PKD1: variants seen among roughly 807,000 people sequenced by gnomAD.
The protein encoded by PKD1 is polycystin 1, transient receptor potential channel interacting.
A neutral mutation model predicts 361.7 loss-of-function variants in PKD1; 81 were observed. The observed-to-expected ratio is 0.22, with a 90% confidence interval of 0.19 to 0.27. The LOEUF (loss-of-function observed/expected upper bound fraction) is 0.27. PKD1 is among the 10% of genes least tolerant of loss of function. The probability of loss-of-function intolerance (pLI) is 1.00; values close to 1 mark genes in which losing one functional copy is unlikely to be tolerated. For missense variants in PKD1, 6,399 were observed against 6,118.3 expected, an observed-to-expected ratio of 1.05 and a Z score of -1.53; for synonymous variants, 3,615 against 2,818.3, an observed-to-expected ratio of 1.28 and a Z score of -8.95.
At chr16:2,119,084 C>G (rs2092683042) in intron 3 of PKD1, 30 bp downstream of exon 3, 8 of 1,113,130 alleles carry the variant, frequency 7.2e-6, no homozygotes, top group South Asian at 5.1e-5. Flanking sequence ...GGGGTCCAGC[C>G]AGGACCCCAC....
chr16:2,103,618 G>A lies in PKD1; in HGVS notation c.8439C>T (p.Ser2813=), dbSNP rs117856830. 8.0e-3 allele frequency: 12,907 copies of A among 1,610,454 alleles called. 63 individuals are homozygous for A. The highest frequency in any genetic ancestry group is 1.0e-2 in the Non-Finnish European group (11,779 of 1,179,714). ...GCHFSIPEAF[S]GALANLSDVV... ...CGTCACTGAGGTTGGCCAGGGCCCCGCTGAAAGCCTCGGGGATGGAGAAGT... is the reference window on the plus strand; with the variant it reads ...CGTCACTGAGGTTGGCCAGGGCCCCACTGAAAGCCTCGGGGATGGAGAAGT... The change falls in exon 23 of 46, where the codon AGC becomes AGT. Residue 2813 remains serine, a synonymous_variant. Coordinates refer to ENST00000262304, the MANE Select transcript of PKD1 (RefSeq NM_001009944.3).
rs1415072762 is a variant in PKD1, at chr16:2,093,620, C to T, written c.10940G>A (p.Arg3647Gln). The T allele has an allele frequency of 9.9e-6, 16 of 1,609,260 alleles. No individual in the cohort carries two copies. Among genetic ancestry groups the T allele is most frequent in the East Asian group, 2.2e-5 (1 of 44,792 alleles). ...GAAGAGTGCAAAGCCGTGGGGTGGC[C>T]GTACGCGGGGCACACGTGCGCTCAC... ...TPVSARVPRV[R>Q]PPHGFALFLA... The change falls in exon 37 of 46, where the codon CGG becomes CAG. Residue 3647 changes from arginine (R) to glutamine (Q), a missense_variant. Transcript: ENST00000262304.
rs770994071 is a variant in PKD1, at chr16:2,097,889, C to T, written c.10146G>A (p.Thr3382=). Residue 3382 remains threonine (T), a synonymous_variant, in exon 31 of 46, where the codon ACG becomes ACA. Transcript: ENST00000262304. The part of the protein sequence containing the change: ...DSSVLDSSFL[T]FSGLHAEQAF... Reference sequence around the variant, plus strand: ...TCACCTCAGCGTGGAGGCCTGAGAACGTGAGGAAGGAGCTGTCCAGCACGG... The same window carrying T: ...TCACCTCAGCGTGGAGGCCTGAGAATGTGAGGAAGGAGCTGTCCAGCACGG... The T allele has an allele frequency of 3.4e-5, 55 of 1,603,908 alleles. No homozygotes were observed. Among genetic ancestry groups the T allele is most frequent in the African/African-American group, 2.1e-4 (16 of 74,700 alleles).
chr16:2,109,237 G>A lies in PKD1; in HGVS notation c.5930C>T (p.Pro1977Leu), dbSNP rs1275762694. The A allele has an allele frequency of 6.3e-7, 1 of 1,589,500 alleles. No homozygotes were observed. Among genetic ancestry groups the A allele is most frequent in the Non-Finnish European group, 8.6e-7 (1 of 1,167,588 alleles). ...VLEAVSGLQV[P>L]NCCEPGIATG... is the part of the protein sequence containing the mutation. ...GGCGATGCCAGGCTCGCAGCAGTTG[G>A]GCACCTGCAGCCCACTCACGGCCTC... is the stretch of plus-strand genomic sequence containing the variant. Residue 1977 changes from proline (P) to leucine (L), a missense_variant, in exon 15 of 46, where the codon CCC becomes CTC. By Grantham distance (98) the Pro-to-Leu change is moderately conservative (BLOSUM62 -3). Coordinates refer to ENST00000262304, the MANE Select transcript of PKD1 (RefSeq NM_001009944.3).
intron 14 of PKD1, among the ~76,000 whole-genome samples, chr16:2,112,102 G>A (rs1479363039): frequency 1.3e-5 from 2 of 152,242 alleles, no homozygotes; most frequent in African/African-American, 2.4e-5. Flanking sequence ...CGGGGCAGCA[G>A]AGCAGCAAGA....
chr16:2,107,159 T>C, intron 16 of PKD1: 2 of 632,320 alleles, frequency 3.2e-6, no homozygotes, highest in Non-Finnish European at 5.8e-6. Context: ...GACACTGGAG[T>C]GTGCGTTCTG....
rs545527733 is a variant in PKD1, at chr16:2,103,483, G to A, written c.8574C>T (p.Gly2858=). The change falls in exon 23 of 46, where the codon GGC becomes GGT. Residue 2858 remains glycine, a synonymous_variant. Coordinates refer to ENST00000262304, the MANE Select transcript of PKD1 (RefSeq NM_001009944.3). ...CCAGCCGCTCGATGGGGATCTGGGCGCCGGCCTGTGTCTGGAATGCCATCG... is the reference window on the plus strand; with the variant it reads ...CCAGCCGCTCGATGGGGATCTGGGCACCGGCCTGTGTCTGGAATGCCATCG... The part of the protein sequence containing the change: ...VASMAFQTQA[G]AQIPIERLAS... 1.1e-5 allele frequency: 17 copies of A among 1,601,630 alleles called. No homozygotes were observed. The highest frequency in any genetic ancestry group is 6.7e-5 in the East Asian group (3 of 44,874).
Position 2,115,563 on chromosome 16 carries a change from G to A in PKD1, c.1912C>T (p.Pro638Ser), listed in dbSNP as rs1395843045. The A allele has an allele frequency of 1.6e-5, 26 of 1,591,892 alleles. No individual in the cohort carries two copies. Among genetic ancestry groups the A allele is most frequent in the Non-Finnish European group, 2.1e-5 (24 of 1,168,028 alleles). Residue 638 changes from proline to serine, a missense_variant, in exon 10 of 46, where the codon CCC (proline) becomes TCC (serine). Transcript: ENST00000262304. ...CAGCGTCCCCCTGGCATGCACGCGG[G>A]GGCCAGCTGGGTCCTGTTGTCCGGG... is the stretch of plus-strand genomic sequence containing the variant. The part of the protein sequence containing the change: ...RSPDNRTQLA[P>S]ACMPGGRWCP...
intron 10 of PKD1, 154 bp from the exon 11 acceptor site, chr16:2,115,079 C>G (rs1328231673): frequency 5.1e-6 from 5 of 985,028 alleles, no homozygotes; most frequent in Non-Finnish European, 1.2e-6. Context: ...ACAGGCAGGA[C>G]AGTTGCAGAC....
chr16:2,105,186 C>A lies in PKD1; in HGVS notation c.8016+136G>T, dbSNP rs530792999. On this transcript the variant is annotated intron_variant, in intron 21 of 45. Transcript: ENST00000262304. ...TGAGGCTACTGAAGCAGGTCAGAGA[C>A]CGAGGAACGCCATGGCAGGAAGGAG... is the stretch of plus-strand genomic sequence containing the variant. The A allele has an allele frequency of 2.1e-5, 18 of 855,152 alleles. No individual in the cohort carries two copies. The South Asian group carries it at 2.6e-4, about 12-fold the overall frequency. 53.0% of individuals were successfully genotyped at this position (855,152 alleles called of 1,614,324 possible). A position where few individuals can be genotyped will look rare whatever the true frequency, so the allele number is the denominator to read the frequency against.
chr16:2,115,735 C>A (rs1255071183), intron 9 of PKD1, 110 bp from the exon 10 acceptor site: 1 of 1,135,232 alleles, frequency 8.8e-7, no homozygotes, highest in Non-Finnish European at 1.3e-6. Flanking sequence ...CAGGTCTCCC[C>A]ACCTGGGCAG....
In PKD1 at chr16:2,102,864, C is replaced by G. The variant is rs13337123; in HGVS notation, c.8898G>C (p.Glu2966Asp). ...NCSASRRIRP[E>D]SLQGADHRPY... ...GCCGGTGGTCAGCACCCTGGAGTGA[C>G]TCTGGGCGGATCCTCCTGCTAGCCG... Residue 2966 changes from glutamate to aspartate, a missense_variant, in exon 24 of 46, where the codon GAG becomes GAC. By Grantham distance (45) the Glu-to-Asp change is conservative. Transcript: ENST00000262304. 14,033 of 1,594,798 alleles carry G rather than the reference C, an allele frequency of 8.8e-3. 1,046 individuals carry two copies. In the African/African-American group the frequency reaches 0.17, roughly 19 times the overall value.
chr16:2,115,888 G>C, intron 9 of PKD1, 104 bp downstream of exon 9: 1 of 1,326,808 alleles, frequency 7.5e-7, no homozygotes, highest in Non-Finnish European at 1.1e-6. Context: ...CCTAAGACTG[G>C]GAACCACTCT....
In PKD1 at chr16:2,105,362, T is replaced by C; in HGVS notation, c.7976A>G (p.Asp2659Gly). The part of the protein sequence containing the change: ...TLVSLRVHTV[D>G]DIQQIAAALA... ...CGCAGCAGCGATCTGCTGGATGTCA[T>C]CCACAGTGTGGACCCTCAGGGACAC... is the stretch of plus-strand genomic sequence containing the variant. The change falls in exon 21 of 46, where the codon GAT (aspartate) becomes GGT (glycine). Residue 2659 changes from aspartate to glycine, a missense_variant. Physicochemically the swap from Asp to Gly is moderately conservative, Grantham distance 94. Coordinates refer to ENST00000262304, the MANE Select transcript of PKD1 (RefSeq NM_001009944.3). 1.9e-6 allele frequency: 3 copies of C among 1,592,578 alleles called. No individual in the cohort carries two copies. Among genetic ancestry groups the C allele is most frequent in the South Asian group, 1.1e-5 (1 of 90,958 alleles).
chr16:2,124,084 A>G (rs967356867), intron 1 of PKD1, among the ~76,000 whole-genome samples: 1 of 152,168 alleles, frequency 6.6e-6, no homozygotes, highest in Non-Finnish European at 1.5e-5. Flanking sequence ...GTGTGGCCAC[A>G]GTACGGGTCT....
In PKD1 at chr16:2,109,795, T is replaced by C. The variant is rs1335408319; in HGVS notation, c.5372A>G (p.Asn1791Ser). ...MTAGNPLGSA[N>S]ATVEVDVQVP... ...CTGCACATCCACTTCCACGGTGGCGTTGGCTGAGCCCAGCGGGTTCCCTGC... is the reference window on the plus strand; with the variant it reads ...CTGCACATCCACTTCCACGGTGGCGCTGGCTGAGCCCAGCGGGTTCCCTGC... Residue 1791 changes from asparagine (N) to serine (S), a missense_variant, in exon 15 of 46, where the codon AAC becomes AGC. Asn to Ser is a conservative substitution (Grantham distance 46). Coordinates refer to ENST00000262304, the MANE Select transcript of PKD1 (RefSeq NM_001009944.3). 6 of 1,610,184 alleles carry C rather than the reference T, an allele frequency of 3.7e-6. No homozygotes were observed. The Admixed American group carries it at 5.0e-5, about 13-fold the overall frequency.
rs1291130428 is a variant in PKD1, at chr16:2,111,082, G to A, written c.4085C>T (p.Ser1362Phe). 1.1e-5 allele frequency: 18 copies of A among 1,610,654 alleles called. No homozygotes were observed. The highest frequency in any genetic ancestry group is 1.5e-5 in the Non-Finnish European group (18 of 1,179,770). Residue 1362 changes from serine (S) to phenylalanine (F), a missense_variant, in exon 15 of 46, where the codon TCC becomes TTC. Coordinates refer to ENST00000262304, the MANE Select transcript of PKD1 (RefSeq NM_001009944.3). ...SGTFPLALVL[S>F]SRVNRAHYFT... ...GTAATGCGCCCTGTTCACGCGGCTG[G>A]ACAGCACCAGCGCCAGGGGGAACGT... is the stretch of plus-strand genomic sequence containing the variant.
At chr16:2,095,270 C>A (rs911939242) in intron 34 of PKD1, 1 of 152,030 alleles carries the variant, frequency 6.6e-6, no homozygotes, top group Non-Finnish European at 1.5e-5. Context: ...AAAAATTAGC[C>A]GGCTGTGGCG....
At position 2,110,206 on chromosome 16, in the gene PKD1, G is replaced by A. The variant is rs769500886; in HGVS notation, c.4961C>T (p.Ala1654Val). The change falls in exon 15 of 46, where the codon GCC (alanine) becomes GTC (valine). Residue 1654 changes from alanine (A) to valine (V), a missense_variant. Ala to Val is a moderately conservative substitution (Grantham distance 64, BLOSUM62 0). Coordinates refer to ENST00000262304, the MANE Select transcript of PKD1 (RefSeq NM_001009944.3). ...FPTNHTVQLQ[A>V]VVRDGTNVSY... The stretch of plus-strand genomic sequence containing the variant: ...GACGTTGGTGCCATCCCTAACCACG[G>A]CCTGCAGCTGTACCGTGTGGTTGGT... 3 of 1,611,724 alleles carry A rather than the reference G, an allele frequency of 1.9e-6. No homozygotes were observed. Among genetic ancestry groups the A allele is most frequent in the South Asian group, 1.1e-5 (1 of 91,020 alleles).
Sources: allele counts gnomAD v4.1 joint callset (sites outside exome capture counted in the v4.1 genomes callset), GRCh38; gene constraint gnomAD v4.1.1; transcripts MANE v1.5; gene names NCBI Gene and HGNC (gene_info 2026-07-23, HGNC 2026-07-21).